Variants in TMEM74 observed in about 807,000 individuals in gnomAD.
TMEM74 encodes the protein transmembrane protein 74.
A neutral mutation model predicts 18.1 loss-of-function variants in TMEM74; 13 were observed. The observed-to-expected ratio is 0.72, with a 90% CI of 0.47 to 1.14. TMEM74 has a LOEUF of 1.14. Ranked by LOEUF, TMEM74 falls within the 50% of genes most tolerant of loss-of-function variation. TMEM74 has a pLI of 0.00. For synonymous variants in TMEM74, 159 were observed against 146.6 expected (o/e 1.08, Z -0.61); for missense variants, 372 against 375.9 (o/e 0.99, Z 0.09).
rs117911409 is a variant in TMEM74, at chr8:108,782,081, T to C, written c.*2100A>G. Among the ~76,000 whole-genome samples, 110 of 152,072 alleles carry C rather than the reference T, an allele frequency of 7.2e-4. No homozygotes were observed. In the East Asian group the frequency reaches 0.019, roughly 26 times the overall value. On this transcript the variant is annotated 3_prime_UTR_variant, in exon 2 of 2. Transcript: ENST00000297459. ...CATTAGTTTTTTCTTTAATGCCTTCTTTTTTTTAATGCCTTCTTTTTTTAA... is the reference window on the plus strand; with the variant it reads ...CATTAGTTTTTTCTTTAATGCCTTCCTTTTTTTAATGCCTTCTTTTTTTAA...
intron 2 of TMEM74, among the ~76,000 whole-genome samples, chr8:108,629,447 A>G (rs1812528403): frequency 6.6e-6 from 1 of 152,096 alleles, no homozygotes; most frequent in Non-Finnish European, 1.5e-5. Context: ...CAACCTAGTA[A>G]GAAAGGCCAA....
At chr8:108,711,059 T>C (rs1678005703) in intron 1 of TMEM74, among the ~76,000 whole-genome samples, 1 of 152,240 alleles carries the variant, frequency 6.6e-6, no homozygotes, top group South Asian at 2.1e-4. Context: ...TATTTGTTTT[T>C]ACCTTTCAGA....
chr8:108,624,005 A>C (rs777251972), intron 2 of TMEM74, among the ~76,000 whole-genome samples: 9 of 152,080 alleles, frequency 5.9e-5, no homozygotes, highest in Non-Finnish European at 1.5e-5. Flanking sequence ...GATTCTTCAA[A>C]GTTAATTCTT....
chr8:108,657,924 G>A (rs1427406992), intron 1 of TMEM74, among the ~76,000 whole-genome samples: 18 of 109,116 alleles, frequency 1.6e-4, no homozygotes, highest in South Asian at 3.0e-4. Context: ...TATATATTTC[G>A]AGAAGTCCAA....
intron 2 of TMEM74, among the ~76,000 whole-genome samples, chr8:108,643,769 A>AG (rs1812689159): frequency 6.6e-6 from 1 of 151,950 alleles, no homozygotes; most frequent in South Asian, 2.1e-4. Flanking sequence ...GAAAAAAAAA[A>AG]CAACCTAGGA....
chr8:108,761,698 C>T (rs1404703328), intron 1 of TMEM74, among the ~76,000 whole-genome samples: 1 of 152,168 alleles, frequency 6.6e-6, no homozygotes, highest in East Asian at 1.9e-4. Flanking sequence ...CTTTAATGCT[C>T]TTCTGGGTGG....
intron 1 of TMEM74, among the ~76,000 whole-genome samples, chr8:108,685,939 A>G (rs1466524830): frequency 6.6e-6 from 1 of 152,186 alleles, no homozygotes; most frequent in Non-Finnish European, 1.5e-5. Context: ...TATAGGGGAT[A>G]TTATGTAATT....
At chr8:108,756,588 GAAA>G (rs1563543544) in intron 1 of TMEM74, among the ~76,000 whole-genome samples, 32 of 103,692 alleles carry the variant, frequency 3.1e-4, no homozygotes, top group African/African-American at 1.4e-3. Flanking sequence ...AAGAAAGAAA[GAAA>G]GAAAGAGAAA....
At chr8:108,737,279 T>C (rs1485801180) in intron 1 of TMEM74, among the ~76,000 whole-genome samples, 1 of 152,190 alleles carries the variant, frequency 6.6e-6, no homozygotes, top group Admixed American at 6.5e-5. Flanking sequence ...GTAATATGTA[T>C]AAAGTGCATG....
chr8:108,648,665 A>G (rs1372012881), intron 2 of TMEM74, among the ~76,000 whole-genome samples: 5 of 152,070 alleles, frequency 3.3e-5, no homozygotes, highest in African/African-American at 1.2e-4. Flanking sequence ...AAAATAGTAT[A>G]TGGCTGGCTT....
chr8:108,615,035 G>T (rs543072585), intron 2 of TMEM74, among the ~76,000 whole-genome samples: 3 of 152,238 alleles, frequency 2.0e-5, no homozygotes, highest in Admixed American at 1.3e-4. Flanking sequence ...CAATATTCTG[G>T]ACTCTCTTGA....
At chr8:108,675,759 T>C (rs1421348935) in intron 1 of TMEM74, among the ~76,000 whole-genome samples, 4 of 152,194 alleles carry the variant, frequency 2.6e-5, no homozygotes, top group African/African-American at 9.7e-5. Flanking sequence ...CATTAGGAAA[T>C]GCTGAGTATG....
At chr8:108,718,375 T>C (rs1416189264) in intron 1 of TMEM74, among the ~76,000 whole-genome samples, 1 of 152,162 alleles carries the variant, frequency 6.6e-6, no homozygotes, top group Non-Finnish European at 1.5e-5. Context: ...CATATGGATA[T>C]ACTTTAAATA....
At chr8:108,619,988 T>G (rs1159364496) in intron 2 of TMEM74, among the ~76,000 whole-genome samples, 3 of 152,186 alleles carry the variant, frequency 2.0e-5, no homozygotes, top group Non-Finnish European at 4.4e-5. Context: ...CCACCTCCTC[T>G]TCCTCTTCTT....
At chr8:108,748,989 T>C (rs1277929085) in intron 1 of TMEM74, among the ~76,000 whole-genome samples, 1 of 152,134 alleles carries the variant, frequency 6.6e-6, no homozygotes, top group East Asian at 1.9e-4. Context: ...GTGCCAGATG[T>C]GTTTTGTATG....
At chr8:108,701,552 T>C (rs1266407507) in intron 1 of TMEM74, among the ~76,000 whole-genome samples, 1 of 152,174 alleles carries the variant, frequency 6.6e-6, no homozygotes, top group Non-Finnish European at 1.5e-5. Context: ...AAGATTGTAG[T>C]ATACAAGAAT....
chr8:108,780,826 A>G lies in TMEM74; in HGVS notation c.*3355T>C, dbSNP rs1330169953. On this transcript the variant is annotated 3_prime_UTR_variant, in exon 2 of 2. Transcript: ENST00000297459. ...CTACACAGTGGGGAGCATGACGAAA[A>G]GCTGTTCTTTATATGAGGGGCCAGT... Among the ~76,000 whole-genome samples, 1 of 152,136 alleles carries G rather than the reference A, an allele frequency of 6.6e-6. No homozygotes were observed. The highest frequency in any genetic ancestry group is 1.5e-5 in the Non-Finnish European group (1 of 68,008).
intron 1 of TMEM74, among the ~76,000 whole-genome samples, chr8:108,767,996 C>G (rs1402939832): frequency 6.6e-6 from 1 of 152,034 alleles, no homozygotes; most frequent in African/African-American, 2.4e-5. Flanking sequence ...ATTCACTGGC[C>G]ATTGGAAATC....
chr8:108,785,486 T>C lies in TMEM74; in HGVS notation c.-39-349A>G, dbSNP rs573817732. 2.6e-5 allele frequency among the ~76,000 whole-genome samples: 4 copies of C among 152,310 alleles called. No individual in the cohort carries two copies. In the South Asian group the frequency reaches 8.3e-4, roughly 32 times the overall value. ...GATCCCTCAAACGAGAAGGCAAGTT[T>C]CCTGTAAAAAGACAAATGAGAAAGG... On this transcript the variant is annotated intron_variant, in intron 1 of 1. Transcript: ENST00000297459.
Sources: allele counts gnomAD v4.1 joint callset (sites outside exome capture counted in the v4.1 genomes callset), GRCh38; gene constraint gnomAD v4.1.1; transcripts MANE v1.5; gene names NCBI Gene and HGNC (gene_info 2026-07-23, HGNC 2026-07-21).